Variants in ACTR1A observed in about 807,000 individuals in gnomAD.
ACTR1A encodes actin related protein 1A.
ACTR1A carries 10 observed loss-of-function variants against 50.7 expected under a neutral mutation model. The ratio of observed to expected loss-of-function variants is 0.20; its 90% CI spans 0.12 to 0.33. ACTR1A has a LOEUF of 0.33. ACTR1A is among the 10% of genes least tolerant of loss of function. ACTR1A has a pLI of 1.00. For synonymous variants in ACTR1A, 177 were observed against 184.2 expected (o/e 0.96, Z 0.32); for missense variants, 253 against 491.7 (o/e 0.51, Z 4.59).
In ACTR1A at chr10:102,502,683, C is replaced by T. The variant is rs777411518; in HGVS notation, c.-36G>A. The T allele has an allele frequency of 1.2e-6, 2 of 1,612,096 alleles. No homozygotes were observed. Among genetic ancestry groups the T allele is most frequent in the Non-Finnish European group, 8.5e-7 (1 of 1,178,572 alleles). On this transcript the variant is annotated 5_prime_UTR_variant, in exon 1 of 11. Coordinates refer to ENST00000369905, the MANE Select transcript of ACTR1A (RefSeq NM_005736.4). Reference sequence around the variant, plus strand: ...TCTCTCCTTCTGGGGAAGGAACTGCCCAGCCGGGTCCGCCGCTAGCGCCAC... The same window carrying T: ...TCTCTCCTTCTGGGGAAGGAACTGCTCAGCCGGGTCCGCCGCTAGCGCCAC...
intron 4 of ACTR1A, among the ~76,000 whole-genome samples, chr10:102,486,279 A>C (rs559964225): frequency 1.3e-5 from 2 of 152,284 alleles, no homozygotes; most frequent in East Asian, 3.9e-4. Flanking sequence ...TCAGAGGTGG[A>C]ACAGCTTCAT....
rs117658568 is a variant in ACTR1A, at chr10:102,490,484, T to C, written c.113+65A>G. 2.3e-3 allele frequency: 3,238 copies of C among 1,389,024 alleles called. 104 individuals are homozygous for C. In the Admixed American group the frequency reaches 0.047, roughly 20 times the overall value. 86.0% of individuals were successfully genotyped at this position (1,389,024 alleles called of 1,614,324 possible). On this transcript the variant is annotated intron_variant, in intron 2 of 10. Coordinates refer to ENST00000369905, the MANE Select transcript of ACTR1A (RefSeq NM_005736.4). ...GACTCCAAACTCGGCTCCTGTCCCT[T>C]ATAGGGCTGGGCCTGTAACAAAGCT...
At chr10:102,487,213 C>T (rs892121798) in intron 4 of ACTR1A, among the ~76,000 whole-genome samples, 31 of 152,066 alleles carry the variant, frequency 2.0e-4, no homozygotes, top group Admixed American at 6.6e-5. Context: ...CCCAGGAGTT[C>T]GAGACCAGCC....
intron 1 of ACTR1A, among the ~76,000 whole-genome samples, chr10:102,502,203 C>T (rs1263824777): frequency 1.3e-5 from 2 of 152,242 alleles, no homozygotes; most frequent in Non-Finnish European, 2.9e-5. Flanking sequence ...GAGCCAATCA[C>T]CGCAGAGGCC....
At chr10:102,494,185 G>A (rs1217463354) in intron 1 of ACTR1A, among the ~76,000 whole-genome samples, 1 of 152,230 alleles carries the variant, frequency 6.6e-6, no homozygotes, top group East Asian at 1.9e-4. Context: ...ATGAAAAAAT[G>A]CCTGGTAGAG....
intron 1 of ACTR1A, among the ~76,000 whole-genome samples, chr10:102,492,069 C>CT (rs71016386): frequency 0.66 from 60,462 of 92,050 alleles, 22,025 homozygotes; most frequent in East Asian, 0.76. Flanking sequence ...CGTGCCCGGC[C>CT]TTTTTTTTTT....
chr10:102,501,645 C>T lies in ACTR1A; in HGVS notation c.48+955G>A, dbSNP rs191648845. Among the ~76,000 whole-genome samples, 25 of 152,294 alleles carry T rather than the reference C, an allele frequency of 1.6e-4. No homozygotes were observed. The East Asian group carries it at 2.9e-3, about 18-fold the overall frequency. On this transcript the variant is annotated intron_variant, in intron 1 of 10. Coordinates refer to ENST00000369905, the MANE Select transcript of ACTR1A (RefSeq NM_005736.4). ...GGCAAAAGGGATGACGGATAAAGTACTGGATTTAGGGCACCTCTGCTATGT... is the reference window on the plus strand; with the variant it reads ...GGCAAAAGGGATGACGGATAAAGTATTGGATTTAGGGCACCTCTGCTATGT...
At chr10:102,490,311 A>AG (rs1347810306) in intron 2 of ACTR1A, among the ~76,000 whole-genome samples, 1 of 152,064 alleles carries the variant, frequency 6.6e-6, no homozygotes, top group African/African-American at 2.4e-5. Flanking sequence ...GAATTTTAAA[A>AG]GGAGGGCTCC....
chr10:102,502,499 G>A (rs2062263107), intron 1 of ACTR1A, 101 bp downstream of exon 1: 1 of 1,316,714 alleles, frequency 7.6e-7, no homozygotes, highest in African/African-American at 1.5e-5. Flanking sequence ...GACAGGCCGG[G>A]CCAGTGACAA....
At chr10:102,498,788 A>C (rs560011495) in intron 1 of ACTR1A, among the ~76,000 whole-genome samples, 116 of 152,236 alleles carry the variant, frequency 7.6e-4, no homozygotes, top group African/African-American at 2.7e-3. Flanking sequence ...CTTAGGAAAA[A>C]TTTGAGTTTC....
At chr10:102,481,800 C>T (rs2062143983) in intron 9 of ACTR1A, 37 bp downstream of exon 9, 2 of 1,610,544 alleles carry the variant, frequency 1.2e-6, no homozygotes, top group South Asian at 2.2e-5. Context: ...CCATGGAAGC[C>T]TAGTTCCACC....
Position 102,484,985 on chromosome 10 carries a change from A to G in ACTR1A, c.441-609T>C, listed in dbSNP as rs535778105. On this transcript the variant is annotated intron_variant, in intron 5 of 10. Transcript: ENST00000369905. ...CTCCAGCTGATTTTTGCCCTGTGGG[A>G]ATGTGTGCCCGACCTTCCCAGATCT... Among the ~76,000 whole-genome samples, 8 of 152,282 alleles carry G rather than the reference A, an allele frequency of 5.3e-5. 1 individual carries two copies. The highest frequency in any genetic ancestry group is 1.9e-4 in the African/African-American group (8 of 41,564).
chr10:102,482,794 G>A lies in ACTR1A; in HGVS notation c.750+217C>T. 1.8e-6 allele frequency: 1 copy of A among 548,948 alleles called. No homozygotes were observed. Among genetic ancestry groups the A allele is most frequent in the Non-Finnish European group, 3.3e-6 (1 of 307,418 alleles). 34.0% of individuals were successfully genotyped at this position (548,948 alleles called of 1,614,324 possible). A position where few individuals can be genotyped will look rare whatever the true frequency, so the allele number is the denominator to read the frequency against. ...AGCTGCTGAGCTAAAAAAAAAAATT[G>A]CAAAAGAATCTCATAATGTTTTAAG... On this transcript the variant is annotated intron_variant, in intron 7 of 10. Coordinates refer to ENST00000369905, the MANE Select transcript of ACTR1A (RefSeq NM_005736.4). This position sits in a 1 kb window ranked among gnomAD's most constrained non-coding sequence, Gnocchi z 5.6.
Position 102,502,639 on chromosome 10 carries a change from G to A in ACTR1A, c.9C>T (p.Ser3=). The change falls in exon 1 of 11, where the codon TCC becomes TCT. Residue 3 remains serine (S), a synonymous_variant. Coordinates refer to ENST00000369905, the MANE Select transcript of ACTR1A (RefSeq NM_005736.4). The stretch of plus-strand genomic sequence containing the variant: ...CAGGCTGGTTGGCGATCACATCGTA[G>A]GACTCCATGGCAGAGGAATCTCTCC... ME[S]YDVIANQPVV... The A allele has an allele frequency of 1.2e-6, 2 of 1,614,258 alleles. No individual in the cohort carries two copies. Among genetic ancestry groups the A allele is most frequent in the Non-Finnish European group, 1.7e-6 (2 of 1,180,026 alleles).
In ACTR1A at chr10:102,480,750, C is replaced by T. The variant is rs1446503860; in HGVS notation, c.*113G>A. 3.4e-6 allele frequency: 3 copies of T among 885,796 alleles called. No homozygotes were observed. Among genetic ancestry groups the T allele is most frequent in the African/African-American group, 3.3e-5 (2 of 61,204 alleles). 54.9% of individuals were successfully genotyped at this position (885,796 alleles called of 1,614,324 possible). A position where few individuals can be genotyped will look rare whatever the true frequency, so the allele number is the denominator to read the frequency against. ...CGGCACTCGCATGTGCACACACACT[C>T]ATATCCACACACGCACTCACACACA... On this transcript the variant is annotated 3_prime_UTR_variant, in exon 11 of 11. Coordinates refer to ENST00000369905, the MANE Select transcript of ACTR1A (RefSeq NM_005736.4).
chr10:102,486,178 T>G (rs1037730850), intron 4 of ACTR1A, among the ~76,000 whole-genome samples: 1 of 152,158 alleles, frequency 6.6e-6, no homozygotes, highest in Non-Finnish European at 1.5e-5. Flanking sequence ...TCCAAGGCAC[T>G]AGATTCTCAT....
intron 1 of ACTR1A, among the ~76,000 whole-genome samples, chr10:102,501,555 C>G (rs138931652): frequency 1.3e-5 from 2 of 152,278 alleles, no homozygotes; most frequent in African/African-American, 4.8e-5. Context: ...CCTTTCCCCC[C>G]AAAATAAGAG....
chr10:102,481,729 C>A, intron 9 of ACTR1A, 108 bp downstream of exon 9: 1 of 1,333,572 alleles, frequency 7.5e-7, no homozygotes, highest in Non-Finnish European at 1.1e-6. Flanking sequence ...GCTTGTAGAG[C>A]CATGGCTGCT....
chr10:102,500,160 G>C (rs1237725371), intron 1 of ACTR1A, among the ~76,000 whole-genome samples: 3 of 152,230 alleles, frequency 2.0e-5, no homozygotes, highest in African/African-American at 4.8e-5. Flanking sequence ...TGGGCTGGGT[G>C]TGGTGGCTCA....
Sources: allele counts gnomAD v4.1 joint callset (sites outside exome capture counted in the v4.1 genomes callset), GRCh38; gene constraint gnomAD v4.1.1; non-coding constraint Gnocchi (gnomAD v3.1); transcripts MANE v1.5; gene names NCBI Gene and HGNC (gene_info 2026-07-23, HGNC 2026-07-21).